CUX2: variants seen among roughly 807,000 people sequenced by gnomAD.
CUX2 encodes homeobox protein cut-like 2.
In CUX2, 40 loss-of-function variants were observed where a neutral mutation model predicts 144.8. That is an observed-to-expected ratio of 0.28 (90% CI 0.21 to 0.36). CUX2 has a LOEUF of 0.36. Ranked by LOEUF, CUX2 falls within the 10% of genes least tolerant of loss-of-function variation. The pLI is 1.00. For missense variants in CUX2, 1,615 were observed against 1,994.0 expected, an observed-to-expected ratio of 0.81 and a Z score of 3.62; for synonymous variants, 827 against 875.6, an observed-to-expected ratio of 0.94 and a Z score of 0.98.
At chr12:111,125,636 C>A (rs1875010482) in intron 1 of CUX2, among the ~76,000 whole-genome samples, 1 of 152,158 alleles carries the variant, frequency 6.6e-6, no homozygotes, top group African/African-American at 2.4e-5. Flanking sequence ...TTTATGTATC[C>A]ATTCATTTGT....
At chr12:111,223,548 C>T (rs1448321420) in intron 3 of CUX2, among the ~76,000 whole-genome samples, 1 of 152,188 alleles carries the variant, frequency 6.6e-6, no homozygotes, top group East Asian at 1.9e-4. Flanking sequence ...AGCCTTTAGC[C>T]TACCTGCTGG....
At chr12:111,141,076 T>C (rs1008625054) in intron 1 of CUX2, among the ~76,000 whole-genome samples, 2 of 152,144 alleles carry the variant, frequency 1.3e-5, no homozygotes, top group African/African-American at 4.8e-5. Context: ...CCCGCTGCCT[T>C]AGAAGAGCCT....
At chr12:111,283,090 T>C (rs981068826) in intron 4 of CUX2, among the ~76,000 whole-genome samples, 4 of 151,926 alleles carry the variant, frequency 2.6e-5, no homozygotes, top group Non-Finnish European at 5.9e-5. Flanking sequence ...TGGTGGCGCA[T>C]GCCTGTAATC....
chr12:111,291,056 G>A (rs1052685031), intron 4 of CUX2, among the ~76,000 whole-genome samples: 1 of 151,662 alleles, frequency 6.6e-6, no homozygotes, highest in Non-Finnish European at 1.5e-5. Context: ...GCAGAGACGG[G>A]GTTTCACCAT....
chr12:111,188,029 C>T (rs2082046545), intron 1 of CUX2, among the ~76,000 whole-genome samples: 1 of 152,228 alleles, frequency 6.6e-6, no homozygotes, highest in African/African-American at 2.4e-5. Context: ...CGAAAACCTT[C>T]AGTGGGCTGG....
chr12:111,184,583 A>C, intron 1 of CUX2, among the ~76,000 whole-genome samples: 1 of 145,918 alleles, frequency 6.9e-6, no homozygotes, highest in South Asian at 2.7e-4. Context: ...CAAAAAAAAA[A>C]AAAAAAAAAA....
chr12:111,321,998 C>T (rs1339650450), intron 17 of CUX2, among the ~76,000 whole-genome samples: 3 of 151,646 alleles, frequency 2.0e-5, no homozygotes, highest in African/African-American at 4.8e-5. Context: ...AAATGAAGGC[C>T]GCCTGGACTC....
At chr12:111,290,050 G>A (rs965820253) in intron 4 of CUX2, among the ~76,000 whole-genome samples, 3 of 152,172 alleles carry the variant, frequency 2.0e-5, no homozygotes, top group Non-Finnish European at 2.9e-5. Flanking sequence ...GCCTCAGAGC[G>A]ATGGATCTCA....
intron 19 of CUX2, 23 bp from the exon 20 acceptor site, chr12:111,338,263 T>C: frequency 6.3e-7 from 1 of 1,580,716 alleles, no homozygotes; most frequent in Non-Finnish European, 8.6e-7. Flanking sequence ...GGGTAACAGA[T>C]TGCTCCCCTC....
rs1339318240 is a variant in CUX2, at chr12:111,214,351, T to C, written c.174+41T>C. On this transcript the variant is annotated intron_variant, in intron 2 of 21. Transcript: ENST00000261726. ...CGTTATAGAATTAACTCAGTAGGAA[T>C]GCAGATTTCTCTCCATTCAAACTAT... The C allele has an allele frequency of 2.6e-6, 3 of 1,175,378 alleles. 1 individual carries two copies. Among genetic ancestry groups the C allele is most frequent in the South Asian group, 2.6e-5 (2 of 76,372 alleles). 72.8% of individuals were successfully genotyped at this position (1,175,378 alleles called of 1,614,324 possible).
At chr12:111,332,501 G>T (rs1407788625) in intron 18 of CUX2, among the ~76,000 whole-genome samples, 1 of 152,002 alleles carries the variant, frequency 6.6e-6, no homozygotes, top group African/African-American at 2.4e-5. Flanking sequence ...TCATTGCCTC[G>T]GAAGAGCCCA....
intron 1 of CUX2, among the ~76,000 whole-genome samples, chr12:111,154,706 G>A (rs1444083621): frequency 1.3e-5 from 2 of 152,192 alleles, no homozygotes; most frequent in Non-Finnish European, 2.9e-5. Flanking sequence ...AGAGGCAACG[G>A]TCTTGCAAGA....
intron 1 of CUX2, among the ~76,000 whole-genome samples, chr12:111,138,219 C>T (rs1170163610): frequency 6.6e-6 from 1 of 152,184 alleles, no homozygotes; most frequent in African/African-American, 2.4e-5. Context: ...TAGGGAGAAG[C>T]GATCTGGGAG....
chr12:111,065,515 T>C (rs1288598752), intron 1 of CUX2, among the ~76,000 whole-genome samples: 1 of 152,188 alleles, frequency 6.6e-6, no homozygotes, highest in East Asian at 1.9e-4. Context: ...TTTGTATTTT[T>C]AGTAGAGACG....
chr12:111,319,891 T>A, intron 16 of CUX2, 121 bp from the exon 17 acceptor site: 1 of 1,349,322 alleles, frequency 7.4e-7, no homozygotes, highest in Non-Finnish European at 9.6e-7. Flanking sequence ...CAATCCCCAG[T>A]TGCTGGACAC....
rs1433527402 is a variant in CUX2 at position 111,192,817 on chromosome 12, C to T, written c.64-21383C>T. 3.3e-5 allele frequency among the ~76,000 whole-genome samples: 5 copies of T among 152,352 alleles called. No homozygotes were observed. The East Asian group carries it at 7.7e-4, about 23-fold the overall frequency. On this transcript the variant is annotated intron_variant, in intron 1 of 21. Coordinates refer to ENST00000261726, the MANE Select transcript of CUX2 (RefSeq NM_015267.4). ...CTTTTTACTCATATTCTTTCACAAA[C>T]ACATGGTGGAATTTTCCAGAAGCTA...
intron 1 of CUX2, among the ~76,000 whole-genome samples, chr12:111,126,047 G>T (rs561319664): frequency 9.4e-5 from 14 of 148,634 alleles, no homozygotes; most frequent in South Asian, 2.1e-4. Context: ...GGTGGCGTGG[G>T]GGGGGCGGAT....
intron 3 of CUX2, among the ~76,000 whole-genome samples, chr12:111,218,251 C>A (rs1392496859): frequency 1.3e-5 from 2 of 152,214 alleles, no homozygotes; most frequent in Non-Finnish European, 2.9e-5. Flanking sequence ...CAGTGGCTCA[C>A]ACCTGTAATC....
At chr12:111,165,562 C>T (rs534621170) in intron 1 of CUX2, among the ~76,000 whole-genome samples, 1 of 152,342 alleles carries the variant, frequency 6.6e-6, no homozygotes, top group East Asian at 1.9e-4. Flanking sequence ...GCTGCTGCCA[C>T]TTGCTCACTG....
Sources: gnomAD v4.1 joint callset for allele counts (sites outside exome capture counted in the v4.1 genomes callset) on GRCh38, gnomAD v4.1.1 for gene constraint, MANE v1.5 for transcripts, NCBI Gene and HGNC (gene_info 2026-07-23, HGNC 2026-07-21) for gene names.